The following LOC128706665 variants were observed in gnomAD, a reference collection of about 807,000 sequenced individuals.
chr20:10,417,868 T>C, the LOC128706665 span, among the ~76,000 whole-genome samples: 1 of 152,140 alleles, frequency 6.6e-6, no homozygotes, highest in Non-Finnish European at 1.5e-5. Context: ...AGGAAATTGT[T>C]AAATGACAAG....
the LOC128706665 span, among the ~76,000 whole-genome samples, chr20:10,425,148 A>T: frequency 6.6e-6 from 1 of 152,188 alleles, no homozygotes; most frequent in Non-Finnish European, 1.5e-5. Context: ...TAGCAAATAT[A>T]GAAACAAGGA....
chr20:10,414,831 C>T, the LOC128706665 span, among the ~76,000 whole-genome samples: 1 of 152,104 alleles, frequency 6.6e-6, no homozygotes, highest in African/African-American at 2.4e-5. Context: ...GTTTTAAACA[C>T]CTGGCTAAAG....
At chr20:10,434,174 AGCCGCTGCT>A in the LOC128706665 span, 2 of 152,494 alleles carry the variant, frequency 1.3e-5, no homozygotes, top group Admixed American at 1.3e-4. Flanking sequence ...GATCTCAAGC[AGCCGCTGCT>A]GCCGCGGATC....
At chr20:10,417,319 T>C in the LOC128706665 span, among the ~76,000 whole-genome samples, 1 of 151,952 alleles carries the variant, frequency 6.6e-6, no homozygotes, top group Non-Finnish European at 1.5e-5. Context: ...CTGTTAATCT[T>C]AGCAACACTG....
At chr20:10,417,085 T>C in the LOC128706665 span, among the ~76,000 whole-genome samples, 2 of 151,780 alleles carry the variant, frequency 1.3e-5, no homozygotes. Flanking sequence ...CTGTCTCTAC[T>C]AAAAAAATAC....
the LOC128706665 span, among the ~76,000 whole-genome samples, chr20:10,424,463 C>T: frequency 6.6e-6 from 1 of 152,016 alleles, no homozygotes. Flanking sequence ...ATTTCTTTCA[C>T]TTAATAGTGA....
At chr20:10,425,199 C>T in the LOC128706665 span, among the ~76,000 whole-genome samples, 1 of 152,196 alleles carries the variant, frequency 6.6e-6, no homozygotes, top group South Asian at 2.1e-4. Context: ...AAAATGTGAT[C>T]ATGATACACA....
At chr20:10,417,336 C>T in the LOC128706665 span, among the ~76,000 whole-genome samples, 3 of 152,178 alleles carry the variant, frequency 2.0e-5, no homozygotes, top group African/African-American at 4.8e-5. Flanking sequence ...ACTGGCTAGA[C>T]GCAGTGGCTC....
At chr20:10,431,570 AC>A in the LOC128706665 span, 2 of 151,398 alleles carry the variant, frequency 1.3e-5, no homozygotes, top group Non-Finnish European at 2.9e-5. Context: ...ACCAAACCAA[AC>A]CCGCACAAAA....
the LOC128706665 span, among the ~76,000 whole-genome samples, chr20:10,424,610 T>C: frequency 7.2e-5 from 11 of 152,344 alleles, no homozygotes; most frequent in Non-Finnish European, 1.3e-4. Flanking sequence ...TCAAATTTTA[T>C]ATTTGATATG....
At chr20:10,419,904 A>C in the LOC128706665 span, among the ~76,000 whole-genome samples, 1 of 152,224 alleles carries the variant, frequency 6.6e-6, no homozygotes. Context: ...CAGGTAACTG[A>C]AACTGCAGAA....
the LOC128706665 span, among the ~76,000 whole-genome samples, chr20:10,427,942 G>C: frequency 2.0e-5 from 3 of 152,204 alleles, no homozygotes; most frequent in East Asian, 5.8e-4. Context: ...AACTGAGTCA[G>C]GAGTGGATCT....
At chr20:10,423,569 T>G in the LOC128706665 span, among the ~76,000 whole-genome samples, 2 of 152,186 alleles carry the variant, frequency 1.3e-5, no homozygotes, top group African/African-American at 4.8e-5. Flanking sequence ...TACTATTCTC[T>G]CCAGCAAAGT....
the LOC128706665 span, chr20:10,414,068 G>A: frequency 8.1e-6 from 3 of 370,856 alleles, no homozygotes; most frequent in Admixed American, 1.4e-4. Context: ...TCCAGAAAAT[G>A]AGAAAGGTAG....
chr20:10,427,039 C>CAGACACACACAG, the LOC128706665 span, among the ~76,000 whole-genome samples: 1 of 77,552 alleles, frequency 1.3e-5, no homozygotes, highest in African/African-American at 3.1e-5. Flanking sequence ...GACACACACA[C>CAGACACACACAG]ACACACACAC....
chr20:10,433,581 C>G, the LOC128706665 span, among the ~76,000 whole-genome samples: 3 of 152,322 alleles, frequency 2.0e-5, no homozygotes, highest in African/African-American at 7.2e-5. Flanking sequence ...GGAAGACGAG[C>G]ATGACCTTAG....
the LOC128706665 span, among the ~76,000 whole-genome samples, chr20:10,432,422 C>A: frequency 2.3e-4 from 35 of 152,300 alleles, no homozygotes; most frequent in African/African-American, 8.2e-4. Context: ...TGTGCAATCA[C>A]CCCTCAGTAT....
chr20:10,414,879 A>G, the LOC128706665 span, among the ~76,000 whole-genome samples: 2 of 152,268 alleles, frequency 1.3e-5, no homozygotes, highest in Admixed American at 6.5e-5. Flanking sequence ...TTATCAATCA[A>G]TGATTTTCAG....
the LOC128706665 span, among the ~76,000 whole-genome samples, chr20:10,415,809 G>A: frequency 3.6e-4 from 55 of 152,284 alleles, no homozygotes; most frequent in African/African-American, 1.3e-3. Context: ...TGGCACCTCT[G>A]TCAGTCTTAC....
Sources: gnomAD v4.1 joint callset for allele counts (sites outside exome capture counted in the v4.1 genomes callset) on GRCh38, gnomAD v4.1.1 for gene constraint, MANE v1.5 for transcripts.